The following ZNF773 variants were observed in gnomAD, a reference collection of about 807,000 sequenced individuals.
ZNF773 encodes the protein zinc finger protein 773, also known as zinc finger protein 419B.
ZNF773 carries 11 observed loss-of-function variants against 12.8 expected under a neutral mutation model. That is an observed-to-expected ratio of 0.86 (90% CI 0.54 to 1.42). ZNF773 has a LOEUF of 1.42. Among genes scored for constraint, ZNF773 ranks in the 40% most tolerant of loss-of-function variants. The pLI is 0.00. For synonymous variants in ZNF773, 175 were observed against 178.4 expected (o/e 0.98, Z 0.15); for missense variants, 518 against 527.2 (o/e 0.98, Z 0.17).
chr19:57,516,541 C>G (rs1029750412), downstream of ZNF773: 1 of 152,194 alleles, frequency 6.6e-6, no homozygotes, highest in Non-Finnish European at 1.5e-5. Context: ...ATTGGAGGGA[C>G]TTCTTTATGT....
In ZNF773 at chr19:57,506,734, C is replaced by T; in HGVS notation, c.639C>T (p.His213=). 4 of 1,614,222 alleles carry T rather than the reference C, an allele frequency of 2.5e-6. No individual in the cohort carries two copies. The South Asian group carries it at 3.3e-5, about 13-fold the overall frequency. The stretch of plus-strand genomic sequence containing the variant: ...TACTTGTTCAGCACCAGAGACTGCA[C>T]ACTGGGGAAAAGCCTTATGAATGCA... ...KYLLVQHQRL[H]TGEKPYECSE... Residue 213 remains histidine (H), a synonymous_variant, in exon 4 of 4, where the codon CAC becomes CAT. Coordinates refer to ENST00000282292, the MANE Select transcript of ZNF773 (RefSeq NM_198542.3).
rs372970582 is a variant in ZNF773, at chr19:57,505,180, G to T, written c.164-122G>T. 164 of 1,385,230 alleles carry T rather than the reference G, an allele frequency of 1.2e-4. 1 individual carries two copies. Among genetic ancestry groups the T allele is most frequent in the African/African-American group, 7.7e-4 (54 of 70,168 alleles). 85.8% of individuals were successfully genotyped at this position (1,385,230 alleles called of 1,614,324 possible). ...CACCAATGTGATTGCTGTTTGACTGGGTTGTTCCTGCAAGACCCTCCTCCA... is the reference window on the plus strand; with the variant it reads ...CACCAATGTGATTGCTGTTTGACTGTGTTGTTCCTGCAAGACCCTCCTCCA... On this transcript the variant is annotated intron_variant, in intron 2 of 3. Coordinates refer to ENST00000282292, the MANE Select transcript of ZNF773 (RefSeq NM_198542.3).
chr19:57,518,329 T>TA (rs1350173887), exon 5 of ZNF773: 1 of 152,200 alleles, frequency 6.6e-6, no homozygotes, highest in Admixed American at 6.5e-5. Context: ...GACCAACCAT[T>TA]ACCTCTTCCT....
At chr19:57,515,889 C>T (rs1171269086), downstream of ZNF773, 2 of 152,096 alleles carry the variant, frequency 1.3e-5, no homozygotes, top group African/African-American at 2.4e-5. Context: ...AATTTTTTGA[C>T]TCCTGGTATG....
At chr19:57,510,398 C>T (rs2089785474), downstream of ZNF773, among the ~76,000 whole-genome samples, 1 of 138,764 alleles carries the variant, frequency 7.2e-6, no homozygotes, top group Non-Finnish European at 1.7e-5. Context: ...TACAGCACAT[C>T]TATGAAAAAC....
chr19:57,507,354 G>A lies in ZNF773; in HGVS notation c.1259G>A (p.Cys420Tyr), dbSNP rs145302350. 64 of 1,613,106 alleles carry A rather than the reference G, an allele frequency of 4.0e-5. No individual in the cohort carries two copies. The highest frequency in any genetic ancestry group is 5.1e-5 in the Non-Finnish European group (60 of 1,179,790). Reference protein sequence around the residue: ...TGAKPYECRECGKFFRHSSSL... With the variant: ...TGAKPYECREYGKFFRHSSSL... Reference sequence around the variant, plus strand: ...GCAAAGCCTTATGAGTGCAGGGAATGTGGGAAATTTTTTCGCCACAGCTCC... The same window carrying A: ...GCAAAGCCTTATGAGTGCAGGGAATATGGGAAATTTTTTCGCCACAGCTCC... Residue 420 changes from cysteine (C) to tyrosine (Y), a missense_variant, in exon 4 of 4, where the codon TGT becomes TAT. Physicochemically the swap from Cys to Tyr is radical, Grantham distance 194. Transcript: ENST00000282292.
downstream of ZNF773, chr19:57,515,274 A>G (rs1268566108): frequency 6.6e-6 from 1 of 152,250 alleles, no homozygotes; most frequent in African/African-American, 2.4e-5. Context: ...CTAGGTAACA[A>G]TAAAGCAGAT....
intron 3 of ZNF773, among the ~76,000 whole-genome samples, 162 bp downstream of exon 3, chr19:57,505,562 G>A (rs1271081063): frequency 6.6e-6 from 1 of 152,060 alleles, no homozygotes; most frequent in Non-Finnish European, 1.5e-5. Context: ...TATTCTGATA[G>A]TTGACCCAGG....
chr19:57,502,200 C>G (rs1212945554), intron 1 of ZNF773, among the ~76,000 whole-genome samples: 1 of 152,140 alleles, frequency 6.6e-6, no homozygotes, highest in Non-Finnish European at 1.5e-5. Flanking sequence ...CCTCTGCCTC[C>G]CAAAGTGCTG....
chr19:57,513,891 C>T (rs1370883144), downstream of ZNF773: 3 of 144,260 alleles, frequency 2.1e-5, no homozygotes, highest in African/African-American at 5.3e-5. Flanking sequence ...AGTAATAGAT[C>T]TTATTGTTTT....
chr19:57,514,485 A>T (rs1452311371), downstream of ZNF773: 1 of 152,182 alleles, frequency 6.6e-6, no homozygotes, highest in Non-Finnish European at 1.5e-5. Flanking sequence ...TGTAGAACAG[A>T]TGCTTCAGCA....
At chr19:57,501,552 A>T (rs1342949158) in intron 1 of ZNF773, among the ~76,000 whole-genome samples, 1 of 152,202 alleles carries the variant, frequency 6.6e-6, no homozygotes, top group Admixed American at 6.5e-5. Flanking sequence ...TGCAGATGGC[A>T]ATACCAAGGC....
chr19:57,510,386 G>C (rs1338983321), downstream of ZNF773, among the ~76,000 whole-genome samples: 1 of 147,036 alleles, frequency 6.8e-6, no homozygotes, highest in Non-Finnish European at 1.5e-5. Context: ...TCTTCCACCT[G>C]ATACAGCACA....
Position 57,507,474 on chromosome 19 carries a change from G to A in ZNF773, c.*50G>A, listed in dbSNP as rs776560814. On this transcript the variant is annotated 3_prime_UTR_variant, in exon 4 of 4. Transcript: ENST00000282292. ...TTTCAACCTCATTCAACACCAGAAA[G>A]TTCACAGTGTAAAAAAGTCTTGAAG... The A allele has an allele frequency of 3.2e-6, 5 of 1,538,474 alleles. No homozygotes were observed. In the African/African-American group the frequency reaches 6.9e-5, roughly 21 times the overall value.
At position 57,506,482 on chromosome 19, in the gene ZNF773, G is replaced by A; in HGVS notation, c.387G>A (p.Glu129=). Residue 129 remains glutamate, a synonymous_variant, in exon 4 of 4, where the codon GAG becomes GAA. Coordinates refer to ENST00000282292, the MANE Select transcript of ZNF773 (RefSeq NM_198542.3). ...HCGEKPLKRQ[E]GRVPVLRSCR... is the part of the protein sequence containing the mutation. ...GAGAGAAACCCTTAAAAAGACAAGA[G>A]GGCAGGGTCCCAGTTTTGAGGAGTT... 1.2e-6 allele frequency: 2 copies of A among 1,614,196 alleles called. No homozygotes were observed. The highest frequency in any genetic ancestry group is 1.7e-4 in the Middle Eastern group (1 of 6,060).
chr19:57,505,466 T>C, intron 3 of ZNF773, 66 bp downstream of exon 3: 1 of 1,558,326 alleles, frequency 6.4e-7, no homozygotes, highest in Non-Finnish European at 8.9e-7. Context: ...ACCAGGAGTC[T>C]TTCCAGTGGG....
In ZNF773 at chr19:57,508,089, C is replaced by T. The variant is rs1029500217; in HGVS notation, c.*665C>T. On this transcript the variant is annotated 3_prime_UTR_variant, in exon 4 of 4. Coordinates refer to ENST00000282292, the MANE Select transcript of ZNF773 (RefSeq NM_198542.3). ...CCGGGAGGCGGAGGTTGCATTGAGC[C>T]GAGATCACGCCACTGCACTCCAGCT... is the stretch of plus-strand genomic sequence containing the variant. The T allele has an allele frequency of 2.9e-5, 23 of 787,410 alleles. No individual in the cohort carries two copies. The Admixed American group carries it at 5.7e-4, about 20-fold the overall frequency. 48.8% of individuals were successfully genotyped at this position (787,410 alleles called of 1,614,324 possible).
intron 3 of ZNF773, 112 bp downstream of exon 3, chr19:57,505,512 C>T: frequency 8.2e-7 from 1 of 1,223,696 alleles, no homozygotes; most frequent in Non-Finnish European, 1.2e-6. Context: ...GGTGTCGTCG[C>T]TGATTTCTAT....
intron 1 of ZNF773, among the ~76,000 whole-genome samples, chr19:57,503,732 A>G (rs1008133893): frequency 6.7e-6 from 1 of 149,322 alleles, no homozygotes; most frequent in African/African-American, 2.5e-5. Context: ...ATCTTGGCTC[A>G]CGGCAACCTC....
Sources: allele counts gnomAD v4.1 joint callset (sites outside exome capture counted in the v4.1 genomes callset), GRCh38; gene constraint gnomAD v4.1.1; transcripts MANE v1.5; gene names NCBI Gene and HGNC (gene_info 2026-07-23, HGNC 2026-07-21).